MICAL3: variants seen among roughly 807,000 people sequenced by gnomAD.
MICAL3 encodes the protein microtubule associated monooxygenase, calponin and LIM domain containing 3, also known as [F-actin]-monooxygenase MICAL3.
In MICAL3, 62 loss-of-function variants were observed where a neutral mutation model predicts 207.4. That is an observed-to-expected ratio of 0.30 (90% confidence interval 0.24 to 0.37). The LOEUF (loss-of-function observed/expected upper bound fraction) is 0.37, where lower values mean the gene tolerates loss of function less well. Ranked by LOEUF, MICAL3 falls within the 10% of genes least tolerant of loss-of-function variation. MICAL3 has a pLI of 1.00. For synonymous variants in MICAL3, 1,077 were observed against 1,069.3 expected, an observed-to-expected ratio of 1.01 and a Z score of -0.14; for missense variants, 2,368 against 2,635.6, an observed-to-expected ratio of 0.90 and a Z score of 2.22.
intron 1 of MICAL3, among the ~76,000 whole-genome samples, chr22:17,949,146 G>A (rs866036105): frequency 3.7e-4 from 57 of 152,164 alleles, no homozygotes; most frequent in African/African-American, 1.4e-3. Flanking sequence ...GGAGGTGGCG[G>A]TTGTAGTGAG....
chr22:17,872,666 G>A (rs1277920535), intron 16 of MICAL3: 2 of 883,980 alleles, frequency 2.3e-6, no homozygotes, highest in Non-Finnish European at 3.8e-6. Context: ...GGCTATGCAA[G>A]CTATAAGTGA....
chr22:17,887,950 G>A (rs919941673), intron 13 of MICAL3, among the ~76,000 whole-genome samples: 1 of 152,198 alleles, frequency 6.6e-6, no homozygotes, highest in Non-Finnish European at 1.5e-5. Flanking sequence ...GAACGTCATG[G>A]CTAACCAGGA....
At chr22:17,791,567 C>T in intron 29 of MICAL3, 1 of 535,418 alleles carries the variant, frequency 1.9e-6, no homozygotes, top group South Asian at 2.0e-5. Context: ...CTGGTTTCTA[C>T]CCCTCCTGCT....
chr22:17,872,095 G>A (rs1007149046), intron 16 of MICAL3, 72 bp from the exon 17 acceptor site: 1 of 1,369,800 alleles, frequency 7.3e-7, no homozygotes, highest in African/African-American at 1.4e-5. Flanking sequence ...TAGAGGCACA[G>A]CCTTGCGAGA....
chr22:17,906,051 G>A (rs577811184), intron 2 of MICAL3, among the ~76,000 whole-genome samples: 2 of 152,298 alleles, frequency 1.3e-5, no homozygotes, highest in African/African-American at 2.4e-5. Context: ...CCCCAAAGCC[G>A]TGTTCAGACA....
chr22:17,891,203 A>G (rs1398921910), intron 12 of MICAL3, among the ~76,000 whole-genome samples: 1 of 152,106 alleles, frequency 6.6e-6, no homozygotes, highest in Non-Finnish European at 1.5e-5. Flanking sequence ...GGGTGTCAAA[A>G]CCAGTTTTTG....
rs1931757845 is a variant in MICAL3, at chr22:17,906,860, G to C, written c.-48C>G. ...CCAGAGGGGGAGGTGGGATGGCTGT[G>C]GGTCCACCTGACACTGTCACGTTAA... On this transcript the variant is annotated 5_prime_UTR_variant, in exon 2 of 32. Transcript: ENST00000441493. 6.6e-7 allele frequency: 1 copy of C among 1,510,348 alleles called. No individual in the cohort carries two copies. The highest frequency in any genetic ancestry group is 8.9e-7 in the Non-Finnish European group (1 of 1,123,486). 93.6% of individuals were successfully genotyped at this position (1,510,348 alleles called of 1,614,324 possible).
intron 19 of MICAL3, among the ~76,000 whole-genome samples, chr22:17,851,065 C>G (rs1041573488): frequency 6.6e-6 from 1 of 152,234 alleles, no homozygotes; most frequent in African/African-American, 2.4e-5. Context: ...TGCACGAGTG[C>G]TGCGCTCTAG....
chr22:17,920,650 T>C (rs896097371), intron 1 of MICAL3, among the ~76,000 whole-genome samples: 14 of 152,176 alleles, frequency 9.2e-5, no homozygotes, highest in Non-Finnish European at 2.1e-4. Flanking sequence ...TTTTTATCAT[T>C]CTGACCTTCC....
At chr22:17,864,640 A>G in intron 19 of MICAL3, 3 of 1,585,496 alleles carry the variant, frequency 1.9e-6, no homozygotes, top group Non-Finnish European at 2.6e-6. Flanking sequence ...TCTGCCGCCC[A>G]CCGGACGGCC....
chr22:17,820,516 G>C (rs1000234873), intron 25 of MICAL3, among the ~76,000 whole-genome samples: 6 of 152,082 alleles, frequency 3.9e-5, no homozygotes, highest in African/African-American at 1.4e-4. Context: ...CACCACGCCC[G>C]GCTAATTTTT....
At chr22:17,975,338 G>C (rs533251335) in intron 1 of MICAL3, among the ~76,000 whole-genome samples, 1 of 151,966 alleles carries the variant, frequency 6.6e-6, no homozygotes, top group Non-Finnish European at 1.5e-5. Flanking sequence ...GGTGGCTCAC[G>C]GCTGACAGTG....
chr22:17,934,581 C>T (rs1466044913), intron 1 of MICAL3, among the ~76,000 whole-genome samples: 1 of 152,144 alleles, frequency 6.6e-6, no homozygotes, highest in African/African-American at 2.4e-5. Context: ...CACTCCTATT[C>T]AACACAGTGT....
chr22:17,852,605 T>A (rs1191464474), intron 19 of MICAL3, among the ~76,000 whole-genome samples: 1 of 152,146 alleles, frequency 6.6e-6, no homozygotes, highest in Non-Finnish European at 1.5e-5. Context: ...GGTGCACTGA[T>A]TCCAAGAGGA....
chr22:18,018,950 G>A (rs927769027), intron 1 of MICAL3, among the ~76,000 whole-genome samples: 1 of 152,150 alleles, frequency 6.6e-6, no homozygotes, highest in African/African-American at 2.4e-5. Context: ...CCAGTACTTT[G>A]GGAGGCCGAG....
Position 17,822,148 on chromosome 22 carries a change from C to A in MICAL3, c.3330G>T (p.Pro1110=). 1.2e-6 allele frequency: 2 copies of A among 1,613,734 alleles called. No individual in the cohort carries two copies. Among genetic ancestry groups the A allele is most frequent in the South Asian group, 2.2e-5 (2 of 91,084 alleles). The change falls in exon 24 of 32, where the codon CCG becomes CCT. Residue 1110 remains proline, a synonymous_variant. Coordinates refer to ENST00000441493, the MANE Select transcript of MICAL3 (RefSeq NM_015241.3). Reference sequence around the variant, plus strand: ...AACGCAGCTCTCTGTCAGCATCCGACGGGCTGTCAGACCAGTGCTGATCTG... The same window carrying A: ...AACGCAGCTCTCTGTCAGCATCCGAAGGGCTGTCAGACCAGTGCTGATCTG... ...LDDDQHWSDS[P]SDADRELRLP...
intron 1 of MICAL3, among the ~76,000 whole-genome samples, chr22:18,012,106 G>A (rs1488031318): frequency 1.3e-5 from 2 of 151,906 alleles, no homozygotes; most frequent in East Asian, 1.9e-4. Flanking sequence ...ATGGTGGCGG[G>A]AGCCTATAAT....
At chr22:17,956,436 G>A (rs1438519052) in intron 1 of MICAL3, among the ~76,000 whole-genome samples, 5 of 152,184 alleles carry the variant, frequency 3.3e-5, no homozygotes, top group Non-Finnish European at 7.3e-5. Context: ...CACTTTGGGA[G>A]GCCGAGGCGG....
intron 16 of MICAL3, among the ~76,000 whole-genome samples, chr22:17,877,891 C>T (rs570075721): frequency 1.1e-4 from 17 of 151,702 alleles, no homozygotes; most frequent in African/African-American, 2.7e-4. Flanking sequence ...CTGGCTCTGT[C>T]GCCCAGGCTG....
Sources: gnomAD v4.1 joint callset for allele counts (sites outside exome capture counted in the v4.1 genomes callset) on GRCh38, gnomAD v4.1.1 for gene constraint, MANE v1.5 for transcripts, NCBI Gene and HGNC (gene_info 2026-07-23, HGNC 2026-07-21) for gene names.